Variants in CSMD1 observed in about 807,000 individuals in gnomAD.
The protein encoded by CSMD1 is CUB and sushi domain-containing protein 1.
A neutral mutation model predicts 417.5 loss-of-function variants in CSMD1; 213 were observed. That is an observed-to-expected ratio of 0.51 (90% CI 0.46 to 0.57). The LOEUF (loss-of-function observed/expected upper bound fraction) is 0.57. Ranked by LOEUF, CSMD1 falls within the 20% of genes least tolerant of loss-of-function variation. The pLI is 0.00. For synonymous variants in CSMD1, 2,862 were observed against 1,736.8 expected (o/e 1.65, Z -16.11); for missense variants, 6,923 against 4,529.7 (o/e 1.53, Z -15.17).
At chr8:3,356,163 C>A (rs761561207) in intron 21 of CSMD1, among the ~76,000 whole-genome samples, 9 of 152,328 alleles carry the variant, frequency 5.9e-5, no homozygotes, top group Non-Finnish European at 7.3e-5. Flanking sequence ...GTGTCACCTG[C>A]AACCTTTGGT....
chr8:4,039,360 C>T (rs1041294402), intron 3 of CSMD1, among the ~76,000 whole-genome samples: 4 of 152,212 alleles, frequency 2.6e-5, no homozygotes, highest in Admixed American at 6.5e-5. Flanking sequence ...AAGCTCTTCA[C>T]CCCACTCTCT....
intron 3 of CSMD1, among the ~76,000 whole-genome samples, chr8:4,342,781 C>G (rs1326671622): frequency 1.3e-5 from 2 of 151,928 alleles, no homozygotes; most frequent in African/African-American, 2.4e-5. Context: ...AATACAAGCT[C>G]AAGGGACTTG....
intron 26 of CSMD1, among the ~76,000 whole-genome samples, chr8:3,254,954 T>C (rs980832465): frequency 6.6e-6 from 1 of 152,304 alleles, no homozygotes; most frequent in South Asian, 2.1e-4. Context: ...GCTCTGATTT[T>C]TAGAGTTTAC....
chr8:4,125,767 T>C (rs139954265), intron 3 of CSMD1, among the ~76,000 whole-genome samples: 99 of 152,258 alleles, frequency 6.5e-4, no homozygotes, highest in African/African-American at 1.9e-3. Flanking sequence ...ACAGCCCTTA[T>C]CAACTGATAG....
At chr8:4,423,961 C>T (rs987619207) in intron 2 of CSMD1, among the ~76,000 whole-genome samples, 4 of 152,002 alleles carry the variant, frequency 2.6e-5, no homozygotes, top group Admixed American at 6.6e-5. Flanking sequence ...AAAGAAATTG[C>T]ATAGAATAAA....
intron 59 of CSMD1, among the ~76,000 whole-genome samples, chr8:2,963,765 T>C (rs1428778964): frequency 6.6e-6 from 1 of 152,206 alleles, no homozygotes; most frequent in Non-Finnish European, 1.5e-5. Context: ...CACAAATTTA[T>C]AGGCACAGAT....
intron 5 of CSMD1, among the ~76,000 whole-genome samples, chr8:3,857,623 A>G (rs1264156425): frequency 6.6e-6 from 1 of 152,172 alleles, no homozygotes; most frequent in Non-Finnish European, 1.5e-5. Flanking sequence ...GGTGGAGTTC[A>G]CAGAGCAGAG....
intron 3 of CSMD1, among the ~76,000 whole-genome samples, chr8:4,279,413 G>T (rs1275163070): frequency 2.0e-5 from 3 of 152,144 alleles, no homozygotes; most frequent in Non-Finnish European, 4.4e-5. Context: ...CATTAAATGT[G>T]AATTTTTGGC....
intron 9 of CSMD1, among the ~76,000 whole-genome samples, chr8:3,584,880 T>A (rs1800531645): frequency 6.6e-6 from 1 of 152,128 alleles, no homozygotes; most frequent in East Asian, 1.9e-4. Flanking sequence ...AGTGGGAACA[T>A]GAATTTTAGT....
intron 18 of CSMD1, among the ~76,000 whole-genome samples, chr8:3,385,492 T>C (rs891761667): frequency 6.6e-6 from 1 of 152,020 alleles, no homozygotes; most frequent in Admixed American, 6.6e-5. Context: ...ATATTTCTAA[T>C]TCATATCATT....
intron 3 of CSMD1, among the ~76,000 whole-genome samples, chr8:4,117,453 G>T (rs1052182267): frequency 1.3e-5 from 2 of 151,898 alleles, no homozygotes; most frequent in African/African-American, 4.8e-5. Flanking sequence ...GCAATTTCAG[G>T]GTTATGATCG....
intron 2 of CSMD1, among the ~76,000 whole-genome samples, chr8:4,591,893 A>T (rs1265339462): frequency 1.3e-5 from 2 of 152,102 alleles, no homozygotes; most frequent in Non-Finnish European, 2.9e-5. Context: ...GGAGGCTGAA[A>T]GTTGGGCAGA....
intron 1 of CSMD1, among the ~76,000 whole-genome samples, chr8:4,957,560 G>C (rs1315455961): frequency 6.6e-6 from 1 of 152,072 alleles, no homozygotes; most frequent in South Asian, 2.1e-4. Context: ...TGATATCAGT[G>C]TCTTTGTAGA....
At chr8:3,629,993 T>A (rs1239283501) in intron 7 of CSMD1, among the ~76,000 whole-genome samples, 1 of 152,238 alleles carries the variant, frequency 6.6e-6, no homozygotes, top group Non-Finnish European at 1.5e-5. Context: ...TTGACGTATA[T>A]TTGAACAGGC....
chr8:4,085,927 G>A (rs527941918), intron 3 of CSMD1, among the ~76,000 whole-genome samples: 1 of 152,092 alleles, frequency 6.6e-6, no homozygotes, highest in East Asian at 1.9e-4. Context: ...GGATGGAAGG[G>A]GGCTCTGTAT....
At chr8:4,320,700 T>G (rs897552187) in intron 3 of CSMD1, among the ~76,000 whole-genome samples, 1 of 152,222 alleles carries the variant, frequency 6.6e-6, no homozygotes, top group Non-Finnish European at 1.5e-5. Flanking sequence ...TCCTTTTTTA[T>G]GGCTGCATAG....
intron 7 of CSMD1, among the ~76,000 whole-genome samples, chr8:3,627,815 A>T (rs975027130): frequency 1.3e-5 from 2 of 152,188 alleles, no homozygotes; most frequent in South Asian, 2.1e-4. Context: ...TTTAGCTGAT[A>T]AATATATTAA....
intron 3 of CSMD1, among the ~76,000 whole-genome samples, chr8:4,322,037 A>G (rs1799300245): frequency 6.6e-6 from 1 of 152,134 alleles, no homozygotes; most frequent in African/African-American, 2.4e-5. Context: ...TTTAGTTCAT[A>G]TTTTAAATGC....
At chr8:4,274,307 C>T (rs1003788876) in intron 3 of CSMD1, among the ~76,000 whole-genome samples, 7 of 152,138 alleles carry the variant, frequency 4.6e-5, no homozygotes, top group African/African-American at 1.4e-4. Context: ...TATCACCCAA[C>T]TGGCATACGT....
Sources: gnomAD v4.1 joint callset for allele counts (sites outside exome capture counted in the v4.1 genomes callset) on GRCh38, gnomAD v4.1.1 for gene constraint, MANE v1.5 for transcripts, NCBI Gene and HGNC (gene_info 2026-07-23, HGNC 2026-07-21) for gene names.